Variants in OPCML observed in about 807,000 individuals in gnomAD.
The protein encoded by OPCML is opioid-binding protein/cell adhesion molecule.
In OPCML, 13 loss-of-function variants were observed where a neutral mutation model predicts 37.8. The observed-to-expected ratio is 0.34, with a 90% CI of 0.22 to 0.55. OPCML has a LOEUF of 0.55. Among genes scored for constraint, OPCML ranks in the 20% least tolerant of loss-of-function variants. The pLI is 0.91. For missense variants in OPCML, 341 were observed against 435.6 expected (o/e 0.78, Z 1.93); for synonymous variants, 176 against 168.8 (o/e 1.04, Z -0.33).
intron 4 of OPCML, among the ~76,000 whole-genome samples, chr11:132,494,888 C>G (rs1024624354): frequency 6.6e-6 from 1 of 152,132 alleles, no homozygotes; most frequent in South Asian, 2.1e-4. Context: ...TTAGAAGAAA[C>G]AAGAGGAAGC....
intron 1 of OPCML, among the ~76,000 whole-genome samples, chr11:133,039,908 A>G (rs559677535): frequency 6.6e-6 from 1 of 152,088 alleles, no homozygotes; most frequent in East Asian, 1.9e-4. Flanking sequence ...GGGCACCTGT[A>G]ATCCCAGCTA....
chr11:133,227,148 GATACCA>G (rs1219650428), intron 1 of OPCML, among the ~76,000 whole-genome samples: 1 of 152,146 alleles, frequency 6.6e-6, no homozygotes, highest in East Asian at 1.9e-4. Flanking sequence ...CAGCTGAGTG[GATACCA>G]ATGGCCCCGG....
chr11:132,563,533 G>T (rs566379939), intron 3 of OPCML, among the ~76,000 whole-genome samples: 1 of 151,754 alleles, frequency 6.6e-6, no homozygotes, highest in South Asian at 2.1e-4. Flanking sequence ...TAGAGGTGGT[G>T]GTTGCCCAAC....
chr11:132,697,469 G>A (rs1313308149), intron 2 of OPCML, among the ~76,000 whole-genome samples: 1 of 152,004 alleles, frequency 6.6e-6, no homozygotes, highest in South Asian at 2.1e-4. Context: ...ATCACCATTC[G>A]ACACTCTCTT....
At chr11:133,348,012 G>A (rs893705738) in intron 1 of OPCML, among the ~76,000 whole-genome samples, 2 of 152,038 alleles carry the variant, frequency 1.3e-5, no homozygotes, top group African/African-American at 4.8e-5. Context: ...ATGCTACCCT[G>A]TTACATCTGA....
intron 2 of OPCML, among the ~76,000 whole-genome samples, chr11:132,922,424 C>T (rs993440802): frequency 3.9e-5 from 6 of 152,086 alleles, no homozygotes; most frequent in Admixed American, 1.3e-4. Context: ...GGATGGGCAC[C>T]TTCCACCCTG....
chr11:132,429,292 A>G (rs767502613), intron 7 of OPCML, among the ~76,000 whole-genome samples: 1 of 152,210 alleles, frequency 6.6e-6, no homozygotes, highest in Non-Finnish European at 1.5e-5. Flanking sequence ...TGGAAATGTC[A>G]CTTGGCCCTG....
intron 3 of OPCML, among the ~76,000 whole-genome samples, chr11:132,648,591 C>T (rs1192051980): frequency 6.7e-6 from 1 of 150,324 alleles, no homozygotes; most frequent in African/African-American, 2.5e-5. Context: ...GTGATCTTGG[C>T]TCACTGCAAC....
chr11:133,123,836 T>G (rs1949456630), intron 1 of OPCML, among the ~76,000 whole-genome samples: 1 of 152,132 alleles, frequency 6.6e-6, no homozygotes, highest in Admixed American at 6.5e-5. Flanking sequence ...TAAGTGCTGG[T>G]ATCGTTGGTA....
intron 3 of OPCML, among the ~76,000 whole-genome samples, chr11:132,562,638 T>C (rs559673712): frequency 5.4e-4 from 82 of 151,992 alleles, no homozygotes; most frequent in South Asian, 2.1e-3. Flanking sequence ...TGCCTGAGGA[T>C]ATATGAGGGA....
At chr11:133,265,052 A>C (rs1302396523) in intron 1 of OPCML, among the ~76,000 whole-genome samples, 1 of 151,974 alleles carries the variant, frequency 6.6e-6, no homozygotes, top group African/African-American at 2.4e-5. Context: ...GTGGGAATGG[A>C]GTGGGACAGT....
At chr11:133,493,701 ATTG>A (rs1410209534) in intron 1 of OPCML, among the ~76,000 whole-genome samples, 1 of 152,206 alleles carries the variant, frequency 6.6e-6, no homozygotes, top group African/African-American at 2.4e-5. Flanking sequence ...TAAAAATAAA[ATTG>A]TTGTGTCAAA....
At chr11:133,047,525 G>A (rs1008113585) in intron 1 of OPCML, among the ~76,000 whole-genome samples, 3 of 152,134 alleles carry the variant, frequency 2.0e-5, no homozygotes, top group African/African-American at 7.2e-5. Flanking sequence ...GAATTCTGCC[G>A]GCTCTTTAAT....
At chr11:132,801,493 T>C (rs1938645793) in intron 2 of OPCML, among the ~76,000 whole-genome samples, 1 of 152,240 alleles carries the variant, frequency 6.6e-6, no homozygotes, top group Non-Finnish European at 1.5e-5. Flanking sequence ...CAGAATGAGA[T>C]GGAACCAATT....
At chr11:133,013,590 C>G (rs749786680) in intron 1 of OPCML, among the ~76,000 whole-genome samples, 5 of 152,124 alleles carry the variant, frequency 3.3e-5, no homozygotes, top group Non-Finnish European at 5.9e-5. Flanking sequence ...TCTCTTCTAC[C>G]ACTCTGGTTT....
intron 3 of OPCML, among the ~76,000 whole-genome samples, chr11:132,589,326 A>G (rs1460237197): frequency 6.6e-6 from 1 of 152,222 alleles, no homozygotes; most frequent in Non-Finnish European, 1.5e-5. Flanking sequence ...GCTATAAAAA[A>G]AAGTAGCCCA....
chr11:133,380,935 G>A (rs528517372), intron 1 of OPCML, among the ~76,000 whole-genome samples: 1 of 152,296 alleles, frequency 6.6e-6, no homozygotes, highest in African/African-American at 2.4e-5. Flanking sequence ...GGACAGGGAG[G>A]TACGGACCTA....
intron 1 of OPCML, among the ~76,000 whole-genome samples, chr11:133,088,930 C>T (rs1220821819): frequency 6.6e-6 from 1 of 152,206 alleles, no homozygotes; most frequent in Non-Finnish European, 1.5e-5. Flanking sequence ...TGATATCAAT[C>T]ATCTATCAGA....
chr11:133,017,375 C>T (rs1054074943), intron 1 of OPCML, among the ~76,000 whole-genome samples: 6 of 151,944 alleles, frequency 3.9e-5, no homozygotes, highest in Non-Finnish European at 7.4e-5. Flanking sequence ...GAACCACCAT[C>T]GAGACCCCTC....
Sources: allele counts gnomAD v4.1 joint callset (sites outside exome capture counted in the v4.1 genomes callset), GRCh38; gene constraint gnomAD v4.1.1; transcripts MANE v1.5; gene names NCBI Gene and HGNC (gene_info 2026-07-23, HGNC 2026-07-21).